The following POLR2L variants were observed in gnomAD, a reference collection of about 807,000 sequenced individuals.
The protein encoded by POLR2L is DNA-directed RNA polymerases I, II, and III subunit RPABC5.
POLR2L carries 7 observed loss-of-function variants against 6.8 expected under a neutral mutation model. That is an observed-to-expected ratio of 1.03 (90% confidence interval 0.59 to 1.94). POLR2L has a LOEUF of 1.94. Ranked by LOEUF, POLR2L falls within the 30% of genes most tolerant of loss-of-function variation. The pLI is 0.00. For missense variants in POLR2L, 93 were observed against 86.7 expected (o/e 1.07, Z -0.29); for synonymous variants, 59 against 39.8 (o/e 1.48, Z -1.82).
intron 1 of POLR2L, 148 bp downstream of exon 1, chr11:842,266 G>A (rs1846992667): frequency 1.0e-5 from 5 of 484,216 alleles, no homozygotes; most frequent in Non-Finnish European, 1.8e-5. Context: ...CGGGGCTGGA[G>A]AAGCCGGGCC....
intron 1 of POLR2L, 95 bp from the exon 2 acceptor site, chr11:840,575 C>T: frequency 1.3e-6 from 1 of 741,048 alleles, no homozygotes; most frequent in Non-Finnish European, 2.2e-6. Flanking sequence ...GCCTGCTGGC[C>T]TCACCCCCCC....
chr11:842,007 C>T (rs1412794319), intron 1 of POLR2L, among the ~76,000 whole-genome samples: 4 of 152,216 alleles, frequency 2.6e-5, no homozygotes. Context: ...CTCGGCCTCC[C>T]AAACTGCTGG....
In POLR2L at chr11:840,121, C is replaced by A; in HGVS notation, c.*251G>T. On this transcript the variant is annotated 3_prime_UTR_variant, in exon 2 of 2. Transcript: ENST00000322028. ...CCCAGGGCTAGGAGAGTTCATGGCC[C>A]AGTCTGCTTCACTGGGCTGCCACAG... The A allele has an allele frequency of 4.5e-6, 2 of 443,418 alleles. No homozygotes were observed. Among genetic ancestry groups the A allele is most frequent in the Non-Finnish European group, 8.1e-6 (2 of 247,686 alleles). The allele number at this position is 443,418 out of a possible 1,614,324, so 27.5% of individuals were successfully genotyped here.
At chr11:840,603 A>G in intron 1 of POLR2L, 123 bp from the exon 2 acceptor site, 1 of 671,476 alleles carries the variant, frequency 1.5e-6, no homozygotes, top group Non-Finnish European at 2.6e-6. Context: ...GGCAAGGCGA[A>G]CAGATTCACC....
chr11:841,384 C>T (rs927954961), intron 1 of POLR2L, among the ~76,000 whole-genome samples: 2 of 152,192 alleles, frequency 1.3e-5, no homozygotes, highest in Non-Finnish European at 2.9e-5. Context: ...GACGCCTCCC[C>T]TACAAAGCCT....
In POLR2L at chr11:840,368, G is replaced by A. The variant is rs3210212; in HGVS notation, c.*4C>T. On this transcript the variant is annotated 3_prime_UTR_variant, in exon 2 of 2. Coordinates refer to ENST00000322028, the MANE Select transcript of POLR2L (RefSeq NM_021128.5). The stretch of plus-strand genomic sequence containing the variant: ...GCACAGCGGGTGGGTGGGTTCCAGC[G>A]TGGTCACTTCTCCAGGGGTGCATAA... The A allele has an allele frequency of 6.3e-6, 10 of 1,579,256 alleles. No individual in the cohort carries two copies. Among genetic ancestry groups the A allele is most frequent in the Middle Eastern group, 1.7e-4 (1 of 5,976 alleles).
Position 840,334 on chromosome 11 carries a change from C to T in POLR2L, c.*38G>A. On this transcript the variant is annotated 3_prime_UTR_variant, in exon 2 of 2. Transcript: ENST00000322028. ...GAATTCGGGGCAGGACGCTCAGGGCCCATGGTCAGCACAGCGGGTGGGTGG... is the reference window on the plus strand; with the variant it reads ...GAATTCGGGGCAGGACGCTCAGGGCTCATGGTCAGCACAGCGGGTGGGTGG... 1 of 1,346,568 alleles carries T rather than the reference C, an allele frequency of 7.4e-7. No individual in the cohort carries two copies. The highest frequency in any genetic ancestry group is 1.0e-6 in the Non-Finnish European group (1 of 952,600). 83.4% of individuals were successfully genotyped at this position (1,346,568 alleles called of 1,614,324 possible).
rs561014297 is a variant in POLR2L, at chr11:841,770, AC to A, written c.95+643del. ...AAAAATTAGCCGGGCGTGGTGGCACACGCCTGTAGTCCCAGCTACTCGGGAG... is the reference window on the plus strand; with the variant it reads ...AAAAATTAGCCGGGCGTGGTGGCACAGCCTGTAGTCCCAGCTACTCGGGAG... On this transcript the variant is annotated intron_variant, in intron 1 of 1. Transcript: ENST00000322028. Among the ~76,000 whole-genome samples the A allele has an allele frequency of 2.6e-3, 395 of 151,640 alleles. 2 individuals are homozygous for A. The highest frequency in any genetic ancestry group is 8.9e-3 in the African/African-American group (370 of 41,372).
chr11:841,060 A>G (rs955704991), intron 1 of POLR2L, among the ~76,000 whole-genome samples: 1 of 152,208 alleles, frequency 6.6e-6, no homozygotes, highest in Admixed American at 6.5e-5. Context: ...CAAGACCTCC[A>G]GAAAACTCCC....
rs1846915157 is a variant in POLR2L, at chr11:839,834, G to A, written c.*538C>T. ...TTTATTAAATTTTGTTGTAGAGATG[G>A]GGTCTCATTATGATGCCCAGGCGGG... On this transcript the variant is annotated 3_prime_UTR_variant, in exon 2 of 2. Coordinates refer to ENST00000322028, the MANE Select transcript of POLR2L (RefSeq NM_021128.5). 2 of 152,584 alleles carry A rather than the reference G, an allele frequency of 1.3e-5. No homozygotes were observed. Among genetic ancestry groups the A allele is most frequent in the Non-Finnish European group, 2.9e-5 (2 of 68,310 alleles). 9.5% of individuals were successfully genotyped at this position (152,584 alleles called of 1,614,324 possible).
At chr11:842,529 TG>T (rs1565123123), upstream of POLR2L, 2 of 1,552,584 alleles carry the variant, frequency 1.3e-6, no homozygotes, top group East Asian at 5.1e-5. Context: ...CGTCCCAGAC[TG>T]CCCGGCCCGG....
Position 842,405 on chromosome 11 carries a change from G to A in POLR2L, c.95+9C>T, listed in dbSNP as rs1292463175. The A allele has an allele frequency of 1.9e-6, 3 of 1,567,518 alleles. No homozygotes were observed. Among genetic ancestry groups the A allele is most frequent in the Non-Finnish European group, 2.6e-6 (3 of 1,159,662 alleles). The stretch of plus-strand genomic sequence containing the variant: ...CGGACTCAGCCCCTAGCCCCGGCCC[G>A]CGCCTCACCCCTCGGTGTACTCGGC... On this transcript the variant is annotated intron_variant, in intron 1 of 1. Transcript: ENST00000322028.
At position 840,426 on chromosome 11, in the gene POLR2L, C is replaced by T. The variant is rs767025598; in HGVS notation, c.150G>A (p.Leu50=). ...LKRYCCRRML[L]AHVDLIEKLL... Reference sequence around the variant, plus strand: ...GCTTCTCGATCAGGTCCACGTGGGCCAGCAGCATCCGGCGGCAGCAGTAGC... The same window carrying T: ...GCTTCTCGATCAGGTCCACGTGGGCTAGCAGCATCCGGCGGCAGCAGTAGC... Residue 50 remains leucine (L), a synonymous_variant, in exon 2 of 2, where the codon CTG becomes CTA. Transcript: ENST00000322028. The T allele has an allele frequency of 6.2e-7, 1 of 1,612,212 alleles. No homozygotes were observed. The highest frequency in any genetic ancestry group is 1.3e-5 in the African/African-American group (1 of 74,906).
intron 1 of POLR2L, 41 bp from the exon 2 acceptor site, chr11:840,521 C>T (rs200548159): frequency 5.1e-5 from 72 of 1,415,296 alleles, no homozygotes; most frequent in Admixed American, 2.5e-4. Context: ...GAGTTCTCTA[C>T]GGTCTGCAAA....
intron 1 of POLR2L, among the ~76,000 whole-genome samples, chr11:840,978 C>T (rs886240979): frequency 5.9e-5 from 9 of 152,056 alleles, no homozygotes; most frequent in African/African-American, 1.9e-4. Flanking sequence ...TGCTTCTCCA[C>T]GGAGCCACCT....
Position 842,230 on chromosome 11 carries a change from G to C in POLR2L, c.95+184C>G, listed in dbSNP as rs867441520. Among the ~76,000 whole-genome samples, 126 of 152,366 alleles carry C rather than the reference G, an allele frequency of 8.3e-4. No homozygotes were observed. In the Middle Eastern group the frequency reaches 0.02, roughly 25 times the overall value. On this transcript the variant is annotated intron_variant, in intron 1 of 1. Transcript: ENST00000322028. ...CTCTTCCCCAGACTTCAGGGGATAA[G>C]GTTCTCCCGAAAGCAGATCACAGAG...
Position 840,272 on chromosome 11 carries a change from C to T in POLR2L, c.*100G>A, listed in dbSNP as rs909373517. The stretch of plus-strand genomic sequence containing the variant: ...GTATCGGATACACACACACTGCGGC[C>T]AGGCATTACGCCAGCTCCCGGATGC... On this transcript the variant is annotated 3_prime_UTR_variant, in exon 2 of 2. Coordinates refer to ENST00000322028, the MANE Select transcript of POLR2L (RefSeq NM_021128.5). 3 of 736,192 alleles carry T rather than the reference C, an allele frequency of 4.1e-6. No individual in the cohort carries two copies. The highest frequency in any genetic ancestry group is 2.6e-4 in the Middle Eastern group (1 of 3,786). 45.6% of individuals were successfully genotyped at this position (736,192 alleles called of 1,614,324 possible).
chr11:841,434 CTG>C (rs143451270), intron 1 of POLR2L, among the ~76,000 whole-genome samples: 2 of 151,724 alleles, frequency 1.3e-5, no homozygotes, highest in Non-Finnish European at 2.9e-5. Context: ...ATTTCTTTTT[CTG>C]TGTGTGTGTG....
In POLR2L at chr11:840,412, A is replaced by T. The variant is rs768537966; in HGVS notation, c.164T>A (p.Leu55Gln). Residue 55 changes from leucine (L) to glutamine (Q), a missense_variant, in exon 2 of 2, where the codon CTG becomes CAG. By Grantham distance (113) the Leu-to-Gln change is moderately radical (BLOSUM62 -2). Coordinates refer to ENST00000322028, the MANE Select transcript of POLR2L (RefSeq NM_021128.5). ...CRRMLLAHVD[L>Q]IEKLLNYAPL... ...TGCATAATTGAGCAGCTTCTCGATCAGGTCCACGTGGGCCAGCAGCATCCG... is the reference window on the plus strand; with the variant it reads ...TGCATAATTGAGCAGCTTCTCGATCTGGTCCACGTGGGCCAGCAGCATCCG... The T allele has an allele frequency of 6.2e-7, 1 of 1,611,544 alleles. No individual in the cohort carries two copies. The highest frequency in any genetic ancestry group is 8.5e-7 in the Non-Finnish European group (1 of 1,179,208).
Sources: gnomAD v4.1 joint callset for allele counts (sites outside exome capture counted in the v4.1 genomes callset) on GRCh38, gnomAD v4.1.1 for gene constraint, MANE v1.5 for transcripts, NCBI Gene and HGNC (gene_info 2026-07-23, HGNC 2026-07-21) for gene names.